Variants in EPHA6 observed in about 807,000 individuals in gnomAD.
The protein encoded by EPHA6 is ephrin type-A receptor 6.
EPHA6 carries 50 observed loss-of-function variants against 112.0 expected under a neutral mutation model. The ratio of observed to expected loss-of-function variants is 0.45; its 90% CI spans 0.36 to 0.56. EPHA6 has a LOEUF of 0.56. Ranked by LOEUF, EPHA6 falls within the 20% of genes least tolerant of loss-of-function variation. The pLI is 0.00. For missense variants in EPHA6, 1,280 were observed against 1,417.4 expected, an observed-to-expected ratio of 0.90 and a Z score of 1.56; for synonymous variants, 529 against 490.7, an observed-to-expected ratio of 1.08 and a Z score of -1.03.
chr3:96,834,515 T>G (rs2034282715), intron 1 of EPHA6, among the ~76,000 whole-genome samples: 1 of 152,044 alleles, frequency 6.6e-6, no homozygotes, highest in African/African-American at 2.4e-5. Flanking sequence ...GGAGTTGCTC[T>G]GAATTGCTAA....
rs188421238 is a variant in EPHA6 at position 97,343,979 on chromosome 3, A to T, written c.1607-61171A>T. Among the ~76,000 whole-genome samples the T allele has an allele frequency of 3.9e-5, 6 of 152,198 alleles. No homozygotes were observed. In the East Asian group the frequency reaches 9.7e-4, roughly 25 times the overall value. The stretch of plus-strand genomic sequence containing the variant: ...TTTTGGATTTGCTTGGGGCCTATTA[A>T]CTTCCCTAGTCTCCTATTTTTTCCC... On this transcript the variant is annotated intron_variant, in intron 5 of 17. Transcript: ENST00000389672.
chr3:97,747,726 T>C (rs891413840), intron 17 of EPHA6, among the ~76,000 whole-genome samples, 154 bp downstream of exon 17: 1 of 152,102 alleles, frequency 6.6e-6, no homozygotes, highest in Admixed American at 6.6e-5. Context: ...AGTTGGACAT[T>C]ACACTTTTAG....
chr3:97,030,342 C>T (rs1405532159), intron 3 of EPHA6, among the ~76,000 whole-genome samples: 1 of 152,056 alleles, frequency 6.6e-6, no homozygotes, highest in African/African-American at 2.4e-5. Flanking sequence ...TCCTGCCACT[C>T]TCTGAGAAAG....
intron 10 of EPHA6, among the ~76,000 whole-genome samples, chr3:97,501,017 A>G (rs1402215220): frequency 1.3e-5 from 2 of 152,184 alleles, no homozygotes; most frequent in East Asian, 1.9e-4. Flanking sequence ...TTTGAAACCA[A>G]CACTTACTAT....
At chr3:97,073,892 C>T (rs989884689) in intron 3 of EPHA6, among the ~76,000 whole-genome samples, 1 of 151,978 alleles carries the variant, frequency 6.6e-6, no homozygotes, top group Non-Finnish European at 1.5e-5. Flanking sequence ...CACTATCTCA[C>T]TATTGGGATA....
At chr3:97,431,446 T>C (rs1300948748) in intron 6 of EPHA6, among the ~76,000 whole-genome samples, 1 of 152,160 alleles carries the variant, frequency 6.6e-6, no homozygotes, top group East Asian at 1.9e-4. Context: ...TAAGTTTCAG[T>C]TGGCAAAGGC....
intron 5 of EPHA6, among the ~76,000 whole-genome samples, chr3:97,259,404 C>G (rs2079424214): frequency 6.6e-6 from 1 of 151,824 alleles, no homozygotes; most frequent in Non-Finnish European, 1.5e-5. Context: ...CAAGGTTATG[C>G]CTAAGCTTAG....
intron 10 of EPHA6, among the ~76,000 whole-genome samples, chr3:97,514,429 G>T (rs560102466): frequency 6.6e-6 from 1 of 152,060 alleles, no homozygotes; most frequent in Admixed American, 6.6e-5. Flanking sequence ...CATATTTCAG[G>T]ATTATTAATA....
At chr3:97,479,496 T>G in intron 9 of EPHA6, 132 bp downstream of exon 9, 1 of 508,230 alleles carries the variant, frequency 2.0e-6, no homozygotes, top group Non-Finnish European at 3.2e-6. Context: ...CATTAAGAAT[T>G]TTCATCTGGT....
chr3:97,074,206 C>A (rs1218118962), intron 3 of EPHA6, among the ~76,000 whole-genome samples: 1 of 151,608 alleles, frequency 6.6e-6, no homozygotes, highest in African/African-American at 2.4e-5. Context: ...TAGTCTATTG[C>A]CAATAGAAAA....
intron 3 of EPHA6, among the ~76,000 whole-genome samples, chr3:97,105,820 A>G (rs955804382): frequency 6.6e-6 from 1 of 152,158 alleles, no homozygotes; most frequent in Non-Finnish European, 1.5e-5. Flanking sequence ...AACTTGTTTT[A>G]TGAATCTGGG....
chr3:97,168,074 A>G (rs554457908), intron 3 of EPHA6, among the ~76,000 whole-genome samples: 2 of 152,272 alleles, frequency 1.3e-5, no homozygotes, highest in East Asian at 3.9e-4. Context: ...GAAAGTAAAG[A>G]TTATTAATTT....
chr3:96,994,813 G>C, intron 3 of EPHA6, among the ~76,000 whole-genome samples: 1 of 141,506 alleles, frequency 7.1e-6, no homozygotes, highest in East Asian at 2.1e-4. Flanking sequence ...TATATATATA[G>C]AGAGAGAGAG....
chr3:97,338,844 A>T (rs2083178434), intron 5 of EPHA6, among the ~76,000 whole-genome samples: 1 of 152,156 alleles, frequency 6.6e-6, no homozygotes, highest in Non-Finnish European at 1.5e-5. Context: ...GTGCTGAAAC[A>T]TTTCATGTGA....
chr3:97,235,897 CTTG>C (rs1244925175), intron 4 of EPHA6, among the ~76,000 whole-genome samples: 1 of 151,868 alleles, frequency 6.6e-6, no homozygotes, highest in Non-Finnish European at 1.5e-5. Flanking sequence ...TATTGTTGTC[CTTG>C]TTGTTTTCTT....
intron 3 of EPHA6, among the ~76,000 whole-genome samples, chr3:97,083,170 C>T (rs1487020307): frequency 1.3e-5 from 2 of 151,904 alleles, no homozygotes; most frequent in Non-Finnish European, 2.9e-5. Flanking sequence ...CAGATGCTGC[C>T]TCAAATTCAC....
At chr3:97,470,539 G>A (rs2091197048) in intron 7 of EPHA6, among the ~76,000 whole-genome samples, 1 of 151,664 alleles carries the variant, frequency 6.6e-6, no homozygotes, top group African/African-American at 2.4e-5. Flanking sequence ...ATTACAGGGA[G>A]ACAAAATCAT....
intron 5 of EPHA6, among the ~76,000 whole-genome samples, chr3:97,257,758 A>G (rs1217918208): frequency 2.0e-5 from 3 of 152,068 alleles, no homozygotes; most frequent in Admixed American, 2.0e-4. Context: ...GGGTATAAAT[A>G]TCCTAAATGA....
intron 14 of EPHA6, among the ~76,000 whole-genome samples, chr3:97,699,589 C>T (rs1301045322): frequency 6.6e-6 from 1 of 152,154 alleles, no homozygotes; most frequent in Non-Finnish European, 1.5e-5. Context: ...AACTTCTGTA[C>T]TTTACTGCAC....
Sources: gnomAD v4.1 joint callset for allele counts (sites outside exome capture counted in the v4.1 genomes callset) on GRCh38, gnomAD v4.1.1 for gene constraint, MANE v1.5 for transcripts, NCBI Gene and HGNC (gene_info 2026-07-23, HGNC 2026-07-21) for gene names.